SERPINA12: variants seen among roughly 807,000 people sequenced by gnomAD.
SERPINA12 encodes the protein serpin family A member 12, also known as serpin A12.
SERPINA12 carries 21 observed loss-of-function variants against 25.9 expected under a neutral mutation model. The observed-to-expected ratio is 0.81, with a 90% CI of 0.58 to 1.17. The LOEUF (loss-of-function observed/expected upper bound fraction) is 1.17, where lower values mean the gene tolerates loss of function less well. Among genes scored for constraint, SERPINA12 ranks in the 50% most tolerant of loss-of-function variants. The pLI is 0.00. For synonymous variants in SERPINA12, 220 were observed against 196.0 expected, an observed-to-expected ratio of 1.12 and a Z score of -1.02; for missense variants, 562 against 508.3, an observed-to-expected ratio of 1.11 and a Z score of -1.02.
At chr14:94,508,154 C>T (rs1003821313) in intron 1 of SERPINA12, among the ~76,000 whole-genome samples, 43 of 152,202 alleles carry the variant, frequency 2.8e-4, no homozygotes, top group African/African-American at 1.0e-3. Context: ...ACTGTACCTC[C>T]AAGCAATAAG....
At chr14:94,507,221 G>A (rs1179994377) in intron 1 of SERPINA12, among the ~76,000 whole-genome samples, 1 of 152,184 alleles carries the variant, frequency 6.6e-6, no homozygotes, top group Non-Finnish European at 1.5e-5. Context: ...GAAACTATTG[G>A]TCTTTAATAT....
At chr14:94,512,101 CAA>C (rs77515403), upstream of SERPINA12, among the ~76,000 whole-genome samples, 16,800 of 151,842 alleles carry the variant, frequency 0.11, 1,144 homozygotes, top group Middle Eastern at 0.22. Flanking sequence ...ATCTCAAAAA[CAA>C]AACAAAACAA....
chr14:94,509,279 A>AAAAC (rs1901040027), intron 1 of SERPINA12, among the ~76,000 whole-genome samples, 63 bp downstream of exon 1: 1 of 134,622 alleles, frequency 7.4e-6, no homozygotes, highest in Non-Finnish European at 1.6e-5. Flanking sequence ...AGAAACAGAC[A>AAAAC]ACACACACAC....
At chr14:94,510,340 AG>A, upstream of SERPINA12, 1 of 860,800 alleles carries the variant, frequency 1.2e-6, no homozygotes, top group Non-Finnish European at 1.4e-6. Flanking sequence ...ATATAAAAAA[AG>A]AGCATTTGCT....
intron 3 of SERPINA12, among the ~76,000 whole-genome samples, chr14:94,491,759 C>T (rs1900188214): frequency 6.6e-6 from 1 of 151,908 alleles, no homozygotes; most frequent in African/African-American, 2.4e-5. Context: ...GGGAGGTTCT[C>T]TGGGGACAGA....
chr14:94,490,711 C>A lies in SERPINA12; in HGVS notation c.906-944G>T, dbSNP rs183153840. ...ACTCCCTCCCACAATTGCCTCAGTCCACTCCAGTCGGCTCTTTGACCTCAA... is the reference window on the plus strand; with the variant it reads ...ACTCCCTCCCACAATTGCCTCAGTCAACTCCAGTCGGCTCTTTGACCTCAA... On this transcript the variant is annotated intron_variant, in intron 3 of 4. Coordinates refer to ENST00000677451, the MANE Select transcript of SERPINA12 (RefSeq NM_001382267.1). Among the ~76,000 whole-genome samples the A allele has an allele frequency of 2.3e-3, 356 of 152,184 alleles. 2 individuals carry two copies. The highest frequency in any genetic ancestry group is 5.0e-3 in the Admixed American group (76 of 15,290).
intron 1 of SERPINA12, among the ~76,000 whole-genome samples, chr14:94,508,926 A>G (rs184908161): frequency 1.3e-5 from 2 of 152,278 alleles, no homozygotes; most frequent in East Asian, 3.9e-4. Context: ...ATTAGTAGAT[A>G]CGGTTATTCA....
In SERPINA12 at chr14:94,498,342, C is replaced by A; in HGVS notation, c.56G>T (p.Gly19Val). The change falls in exon 2 of 5, where the codon GGT becomes GTT. Residue 19 changes from glycine to valine, a missense_variant. Transcript: ENST00000677451. ...IFLAVLLTVK[G>V]LLKPSFSPRN... The stretch of plus-strand genomic sequence containing the variant: ...TGGTGAGAAGCTCGGCTTTAGAAGA[C>A]CTTTCACCGTGAGGAGAACAGCCAG... 1 of 1,614,172 alleles carries A rather than the reference C, an allele frequency of 6.2e-7. No individual in the cohort carries two copies. Among genetic ancestry groups the A allele is most frequent in the Non-Finnish European group, 8.5e-7 (1 of 1,180,040 alleles).
chr14:94,506,161 T>C (rs919926979), intron 1 of SERPINA12, among the ~76,000 whole-genome samples: 1 of 152,124 alleles, frequency 6.6e-6, no homozygotes, highest in African/African-American at 2.4e-5. Context: ...TTGTTATAAG[T>C]TAATGGGCCT....
chr14:94,490,978 C>T (rs1041309760), intron 3 of SERPINA12, among the ~76,000 whole-genome samples: 1 of 152,172 alleles, frequency 6.6e-6, no homozygotes, highest in African/African-American at 2.4e-5. Context: ...TTCTCTTTTC[C>T]ACCTTCACTC....
intron 1 of SERPINA12, chr14:94,500,826 T>A (rs1900685962): frequency 1.0e-6 from 1 of 984,580 alleles, no homozygotes; most frequent in Non-Finnish European, 1.2e-6. Context: ...GACGTTGAGT[T>A]ACATGGTCAC....
At position 94,498,004 on chromosome 14, in the gene SERPINA12, G is replaced by A; in HGVS notation, c.394C>T (p.Leu132=). 1 of 1,614,176 alleles carries A rather than the reference G, an allele frequency of 6.2e-7. No individual in the cohort carries two copies. Residue 132 remains leucine (L), a synonymous_variant, in exon 2 of 5, where the codon CTG becomes TTG. Transcript: ENST00000677451. Reference sequence around the variant, plus strand: ...ATGAACAGCGTGTTCCCAATGCTCAGTTTGAGGTCCTGGGTCTTCTGGGTC... The same window carrying A: ...ATGAACAGCGTGTTCCCAATGCTCAATTTGAGGTCCTGGGTCTTCTGGGTC... ...ELTQKTQDLK[L]SIGNTLFIDQ... is the part of the protein sequence containing the mutation.
upstream of SERPINA12, chr14:94,511,761 G>A (rs1901117102): frequency 5.1e-6 from 5 of 971,592 alleles, no homozygotes; most frequent in South Asian, 1.9e-4. Flanking sequence ...AGCAAGCCAG[G>A]TGTGGGGGAG....
At position 94,489,679 on chromosome 14, in the gene SERPINA12, A is replaced by G. The variant is rs1900071603; in HGVS notation, c.994T>C (p.Phe332Leu). 6.2e-7 allele frequency: 1 copy of G among 1,614,194 alleles called. No individual in the cohort carries two copies. The highest frequency in any genetic ancestry group is 2.2e-5 in the East Asian group (1 of 44,872). The change falls in exon 4 of 5, where the codon TTT (phenylalanine) becomes CTT (leucine). Residue 332 changes from phenylalanine to leucine, a missense_variant. By Grantham distance (22) the Phe-to-Leu change is conservative. Coordinates refer to ENST00000677451, the MANE Select transcript of SERPINA12 (RefSeq NM_001382267.1). The part of the protein sequence containing the change: ...TLSYIGVSKI[F>L]EEHGDLTKIA... ...TTGGTGAGATCACCATGTTCCTCAA[A>G]GATTTTGGAGACACCTATGTAGGAG...
At chr14:94,487,800 G>A (rs556857381) in intron 4 of SERPINA12, among the ~76,000 whole-genome samples, 9 of 152,316 alleles carry the variant, frequency 5.9e-5, no homozygotes, top group African/African-American at 1.7e-4. Flanking sequence ...AACCATAGCC[G>A]TGGCAGAAAG....
chr14:94,488,741 C>T (rs1595682225), intron 4 of SERPINA12, among the ~76,000 whole-genome samples: 1 of 152,310 alleles, frequency 6.6e-6, no homozygotes. Flanking sequence ...TTGCCAGGGG[C>T]CACAGGCCCC....
intron 1 of SERPINA12, among the ~76,000 whole-genome samples, chr14:94,505,063 G>A (rs1259828147): frequency 2.0e-5 from 3 of 152,172 alleles, no homozygotes; most frequent in African/African-American, 4.8e-5. Flanking sequence ...GCTCCAGTGA[G>A]CAGAAAAAAC....
chr14:94,489,203 AAGAAAGAG>A (rs984943471), intron 4 of SERPINA12, among the ~76,000 whole-genome samples: 35 of 149,702 alleles, frequency 2.3e-4, no homozygotes, highest in African/African-American at 6.8e-4. Flanking sequence ...AAGAAAAAGA[AAGAAAGAG>A]AGAAAGAGAG....
chr14:94,497,709 A>C (rs1205192971), intron 2 of SERPINA12, 55 bp downstream of exon 2: 6 of 1,518,680 alleles, frequency 4.0e-6, no homozygotes, highest in Admixed American at 2.2e-5. Context: ...CAGGTTTTTA[A>C]CCCAAGTCTA....
Sources: allele counts gnomAD v4.1 joint callset (sites outside exome capture counted in the v4.1 genomes callset), GRCh38; gene constraint gnomAD v4.1.1; transcripts MANE v1.5; gene names NCBI Gene and HGNC (gene_info 2026-07-23, HGNC 2026-07-21).